Variants in VPS8 observed in about 807,000 individuals in gnomAD.
VPS8 encodes the protein VPS8 subunit of CORVET complex.
VPS8 carries 129 observed loss-of-function variants against 216.4 expected under a neutral mutation model. The observed-to-expected ratio is 0.60, with a 90% CI of 0.52 to 0.69. The LOEUF (loss-of-function observed/expected upper bound fraction) is 0.69, where lower values mean the gene tolerates loss of function less well. Ranked by LOEUF, VPS8 falls within the 30% of genes least tolerant of loss-of-function variation. The pLI, the probability that VPS8 is intolerant of heterozygous loss-of-function variation, is 0.00. For missense variants in VPS8, 1,531 were observed against 1,683.5 expected, an observed-to-expected ratio of 0.91 and a Z score of 1.59; for synonymous variants, 571 against 565.4, an observed-to-expected ratio of 1.01 and a Z score of -0.14.
chr3:185,009,263 C>A (rs1754669065), intron 45 of VPS8, among the ~76,000 whole-genome samples: 1 of 152,146 alleles, frequency 6.6e-6, no homozygotes, highest in Admixed American at 6.5e-5. Flanking sequence ...ATAAGAAATT[C>A]TGTTGTCCAA....
intron 26 of VPS8, 78 bp downstream of exon 26, chr3:184,913,639 CTT>C: frequency 4.2e-6 from 5 of 1,200,096 alleles, no homozygotes; most frequent in Non-Finnish European, 5.9e-6. Flanking sequence ...ACTATGATCT[CTT>C]ATCTATATAG....
intron 40 of VPS8, among the ~76,000 whole-genome samples, chr3:184,981,892 T>C (rs1047376030): frequency 1.3e-5 from 2 of 152,210 alleles, no homozygotes; most frequent in African/African-American, 4.8e-5. Context: ...AAGGTTATTA[T>C]GAGATTGAAA....
chr3:184,996,193 A>G (rs1577096138), intron 43 of VPS8, 139 bp from the exon 44 acceptor site: 8 of 1,034,842 alleles, frequency 7.7e-6, no homozygotes, highest in South Asian at 4.2e-5. Context: ...TGTTTCAACA[A>G]TGTTATCCCT....
intron 14 of VPS8, among the ~76,000 whole-genome samples, chr3:184,858,954 C>T (rs979276212): frequency 2.6e-5 from 4 of 152,046 alleles, no homozygotes; most frequent in African/African-American, 9.7e-5. Context: ...ATGTTGATTC[C>T]ACATGTTTAA....
chr3:184,965,709 C>T lies in VPS8; in HGVS notation c.3274-962C>T, dbSNP rs142666176. On this transcript the variant is annotated intron_variant, in intron 38 of 47. Coordinates refer to ENST00000625842, the MANE Select transcript of VPS8 (RefSeq NM_001009921.3). The stretch of plus-strand genomic sequence containing the variant: ...TTTGATGTTTGTTTCATAAAGACTA[C>T]GCTGGTGACTGTTGGGGGATGGAAG... Among the ~76,000 whole-genome samples, 423 of 152,178 alleles carry T rather than the reference C, an allele frequency of 2.8e-3. 1 individual carries two copies. Among genetic ancestry groups the T allele is most frequent in the Middle Eastern group, 0.01 (3 of 294 alleles).
At chr3:184,955,675 CG>C (rs1221345787) in intron 36 of VPS8, among the ~76,000 whole-genome samples, 2 of 151,998 alleles carry the variant, frequency 1.3e-5, no homozygotes, top group Non-Finnish European at 2.9e-5. Flanking sequence ...TGCTAAGCCC[CG>C]TAGGACTGGA....
chr3:184,917,361 C>T (rs762643369), intron 28 of VPS8, among the ~76,000 whole-genome samples: 3 of 152,140 alleles, frequency 2.0e-5, no homozygotes, highest in African/African-American at 7.2e-5. Context: ...AGGCAGATAC[C>T]GAGTCTTGCA....
chr3:185,015,574 C>G lies in VPS8; in HGVS notation c.4003-8762C>G, dbSNP rs757230374. ...GAAGCTTTACCATTACTAGACCCAT[C>G]TGTAAAAACATTCTCAGCACCTTCA... is the stretch of plus-strand genomic sequence containing the variant. On this transcript the variant is annotated intron_variant, in intron 45 of 47. Coordinates refer to ENST00000625842, the MANE Select transcript of VPS8 (RefSeq NM_001009921.3). 4.6e-5 allele frequency among the ~76,000 whole-genome samples: 7 copies of G among 152,198 alleles called. No homozygotes were observed. The South Asian group carries it at 6.2e-4, about 14-fold the overall frequency.
intron 40 of VPS8, among the ~76,000 whole-genome samples, chr3:184,976,330 T>C (rs553017755): frequency 6.6e-6 from 1 of 152,292 alleles, no homozygotes; most frequent in African/African-American, 2.4e-5. Flanking sequence ...ACAATTTTTT[T>C]ATTCCTAGAT....
intron 1 of VPS8, 141 bp from the exon 2 acceptor site, chr3:184,824,404 C>T: frequency 5.9e-6 from 3 of 509,764 alleles, no homozygotes; most frequent in Non-Finnish European, 1.1e-5. Context: ...ACCCTGTACC[C>T]CACTGTTAAT....
chr3:184,907,889 G>C (rs1490667434), intron 25 of VPS8, among the ~76,000 whole-genome samples: 2 of 152,160 alleles, frequency 1.3e-5, no homozygotes, highest in Non-Finnish European at 2.9e-5. Flanking sequence ...GAGCTGCAAA[G>C]TCAGCCATGG....
intron 45 of VPS8, among the ~76,000 whole-genome samples, chr3:185,002,035 A>G (rs1180217485): frequency 6.6e-6 from 1 of 152,240 alleles, no homozygotes; most frequent in East Asian, 1.9e-4. Flanking sequence ...GGAGTAAGCT[A>G]GACGAGTTTA....
chr3:184,841,114 A>C (rs1416159492), intron 7 of VPS8, among the ~76,000 whole-genome samples: 1 of 152,188 alleles, frequency 6.6e-6, no homozygotes, highest in East Asian at 1.9e-4. Context: ...CAAAATTATA[A>C]TTCCCTTGAA....
At chr3:185,003,360 C>G (rs375659208) in intron 45 of VPS8, among the ~76,000 whole-genome samples, 3 of 146,452 alleles carry the variant, frequency 2.0e-5, no homozygotes, top group Admixed American at 6.8e-5. Context: ...TGACTCTTAA[C>G]GAGCATGCTG....
Position 184,824,645 on chromosome 3 carries a change from C to A in VPS8, c.13C>A (p.Pro5Thr). MENEPDHENVEQSLC... is the reference protein window; with the variant it reads MENETDHENVEQSLC... The stretch of plus-strand genomic sequence containing the variant: ...ATTAGAAGTAAATATGGAAAATGAA[C>A]CAGACCATGAAAATGTGGAACAGAG... Residue 5 changes from proline (P) to threonine (T), a missense_variant, in exon 2 of 48, where the codon CCA (proline) becomes ACA (threonine). This residue lies in a region of VPS8 where 199 missense variants were observed against 182.2 expected (regional missense o/e 1.09). Coordinates refer to ENST00000625842, the MANE Select transcript of VPS8 (RefSeq NM_001009921.3). 6.2e-7 allele frequency: 1 copy of A among 1,613,390 alleles called. No homozygotes were observed.
chr3:184,959,067 G>T (rs1011223047), intron 37 of VPS8, among the ~76,000 whole-genome samples: 1 of 152,052 alleles, frequency 6.6e-6, no homozygotes, highest in African/African-American at 2.4e-5. Context: ...GAAGCCATGG[G>T]CTTGCCATCA....
At chr3:185,022,462 A>G (rs186696356) in intron 45 of VPS8, among the ~76,000 whole-genome samples, 51 of 152,326 alleles carry the variant, frequency 3.3e-4, no homozygotes, top group Admixed American at 2.3e-3. Context: ...AACAAACTGA[A>G]TTTATTTAAT....
chr3:184,899,936 G>A (rs1382760718), intron 24 of VPS8, among the ~76,000 whole-genome samples: 4 of 152,118 alleles, frequency 2.6e-5, no homozygotes, highest in Non-Finnish European at 5.9e-5. Context: ...AGCTATTGAG[G>A]TTACCTTGTT....
chr3:184,850,465 G>C (rs1252177540), intron 10 of VPS8, among the ~76,000 whole-genome samples: 1 of 152,132 alleles, frequency 6.6e-6, no homozygotes, highest in Non-Finnish European at 1.5e-5. Context: ...TGAGGTTCAA[G>C]GCACAGATCG....
Sources: gnomAD v4.1 joint callset for allele counts (sites outside exome capture counted in the v4.1 genomes callset) on GRCh38, gnomAD v4.1.1 for gene constraint, gnomAD v4.1.1 regional missense constraint, MANE v1.5 for transcripts, NCBI Gene and HGNC (gene_info 2026-07-23, HGNC 2026-07-21) for gene names.